Variants in PCNX1 observed in about 807,000 individuals in gnomAD.
PCNX1 encodes pecanex 1.
Under a neutral mutation model 242.2 loss-of-function variants are expected in PCNX1, and 78 were observed. The observed-to-expected ratio is 0.32, with a 90% CI of 0.27 to 0.39. The LOEUF (loss-of-function observed/expected upper bound fraction) is 0.39, where lower values mean the gene tolerates loss of function less well. PCNX1 is among the 10% of genes least tolerant of loss of function. The pLI, the probability that PCNX1 is intolerant of heterozygous loss-of-function variation, is 1.00. For synonymous variants in PCNX1, 1,024 were observed against 1,032.9 expected, an observed-to-expected ratio of 0.99 and a Z score of 0.17; for missense variants, 2,581 against 2,856.5, an observed-to-expected ratio of 0.90 and a Z score of 2.20.
Position 70,978,435 on chromosome 14 carries a change from T to C in PCNX1, c.2098T>C (p.Cys700Arg), listed in dbSNP as rs2058744084. Reference sequence around the variant, plus strand: ...GAGCCTGGACAGTGGCACAGTAGCATGTTTGAATGACTCAAACAGGTTAAT... The same window carrying C: ...GAGCCTGGACAGTGGCACAGTAGCACGTTTGAATGACTCAAACAGGTTAAT... ...VLSLDSGTVACLNDSNRLMAP... is the reference protein window; with the variant it reads ...VLSLDSGTVARLNDSNRLMAP... The change falls in exon 6 of 36, where the codon TGT (cysteine) becomes CGT (arginine). Residue 700 changes from cysteine (C) to arginine (R), a missense_variant. Cys to Arg is a radical substitution (Grantham distance 180). Around this residue, in one of 9 missense-constraint regions of PCNX1, gnomAD observed 1,204 missense variants for 1,216.7 expected, o/e 0.99. Transcript: ENST00000304743. 1.2e-6 allele frequency: 2 copies of C among 1,614,106 alleles called. No individual in the cohort carries two copies. Among genetic ancestry groups the C allele is most frequent in the Non-Finnish European group, 1.7e-6 (2 of 1,180,038 alleles).
chr14:70,964,342 C>T (rs1180070622), intron 3 of PCNX1, among the ~76,000 whole-genome samples: 1 of 152,218 alleles, frequency 6.6e-6, no homozygotes, highest in Non-Finnish European at 1.5e-5. Context: ...GCTGGGATTA[C>T]AGATGTGAGT....
intron 2 of PCNX1, 98 bp from the exon 3 acceptor site, chr14:70,962,124 CTTAG>C: frequency 1.3e-6 from 1 of 742,014 alleles, no homozygotes; most frequent in Non-Finnish European, 2.4e-6. Flanking sequence ...ATCAGAACCT[CTTAG>C]TTTTGTGGAA....
intron 1 of PCNX1, among the ~76,000 whole-genome samples, chr14:70,944,815 G>A (rs1460885486): frequency 6.6e-6 from 1 of 152,190 alleles, no homozygotes; most frequent in African/African-American, 2.4e-5. Flanking sequence ...TAATCAGTGA[G>A]TTCTCATGAG....
chr14:71,028,349 C>A (rs1000053949), intron 15 of PCNX1, among the ~76,000 whole-genome samples: 40 of 151,940 alleles, frequency 2.6e-4, no homozygotes, highest in African/African-American at 8.5e-4. Context: ...CTTAATACAT[C>A]TCCAGTTCCT....
At chr14:71,015,048 T>C (rs768826507) in intron 11 of PCNX1, among the ~76,000 whole-genome samples, 4 of 152,138 alleles carry the variant, frequency 2.6e-5, no homozygotes, top group Non-Finnish European at 5.9e-5. Flanking sequence ...GGAGCATCTT[T>C]AAAGTACTGA....
intron 28 of PCNX1, among the ~76,000 whole-genome samples, chr14:71,083,341 C>G (rs554217134): frequency 1.1e-3 from 162 of 152,176 alleles, no homozygotes; most frequent in Middle Eastern, 3.4e-3. Flanking sequence ...TGGGGTTGCT[C>G]TTCTTAAGGA....
At chr14:71,003,081 T>C (rs1023204908) in intron 8 of PCNX1, among the ~76,000 whole-genome samples, 2 of 47,048 alleles carry the variant, frequency 4.3e-5, no homozygotes, top group Non-Finnish European at 7.9e-5. Flanking sequence ...GGTTGTCTTC[T>C]TTTTTTTTTT....
intron 2 of PCNX1, among the ~76,000 whole-genome samples, chr14:70,949,419 A>G (rs987208277): frequency 2.0e-5 from 3 of 151,612 alleles, no homozygotes; most frequent in Admixed American, 1.3e-4. Context: ...ATATATGTAC[A>G]TATATACACG....
chr14:71,053,754 G>A (rs775273590), intron 24 of PCNX1, among the ~76,000 whole-genome samples: 62 of 152,210 alleles, frequency 4.1e-4, no homozygotes, highest in Non-Finnish European at 7.8e-4. Context: ...TAACAATGTC[G>A]TATCTATTGT....
At chr14:70,944,871 TTCTC>T (rs775109957) in intron 1 of PCNX1, among the ~76,000 whole-genome samples, 2 of 152,224 alleles carry the variant, frequency 1.3e-5, no homozygotes, top group Non-Finnish European at 2.9e-5. Context: ...TGGTATTCAT[TTCTC>T]TCTCCTGCTG....
At chr14:71,033,306 C>T (rs540948893) in intron 16 of PCNX1, 123 bp from the exon 17 acceptor site, 20 of 560,516 alleles carry the variant, frequency 3.6e-5, no homozygotes, top group East Asian at 2.1e-4. Context: ...CAATTAATAA[C>T]GTGGCTAAAA....
intron 10 of PCNX1, 24 bp downstream of exon 10, chr14:71,011,573 A>T: frequency 7.6e-7 from 1 of 1,308,968 alleles, no homozygotes; most frequent in Non-Finnish European, 1.1e-6. Flanking sequence ...TATTTTTACA[A>T]CATGATAAAT....
chr14:71,074,025 G>A (rs1314489536), intron 27 of PCNX1, among the ~76,000 whole-genome samples: 1 of 152,048 alleles, frequency 6.6e-6, no homozygotes. Flanking sequence ...AATAATAATA[G>A]CTAGACATTT....
At chr14:70,946,534 G>A (rs1266196314) in intron 1 of PCNX1, among the ~76,000 whole-genome samples, 1 of 152,100 alleles carries the variant, frequency 6.6e-6, no homozygotes, top group African/African-American at 2.4e-5. Context: ...TTTTCTAGTA[G>A]CCACATTAAA....
chr14:70,945,533 T>C (rs1026436212), intron 1 of PCNX1, among the ~76,000 whole-genome samples: 1 of 151,212 alleles, frequency 6.6e-6, no homozygotes, highest in African/African-American at 2.4e-5. Flanking sequence ...TTTATGTTTT[T>C]CCATCCTAAT....
At chr14:70,997,195 T>A (rs1192959624) in intron 8 of PCNX1, among the ~76,000 whole-genome samples, 1 of 152,180 alleles carries the variant, frequency 6.6e-6, no homozygotes, top group Non-Finnish European at 1.5e-5. Context: ...TCTTCAGTTG[T>A]AAATATATTC....
intron 30 of PCNX1, among the ~76,000 whole-genome samples, chr14:71,100,950 A>G (rs1301866382): frequency 6.6e-6 from 1 of 152,134 alleles, no homozygotes; most frequent in Non-Finnish European, 1.5e-5. Flanking sequence ...GGTATTATCA[A>G]CTCAACCTAC....
At chr14:71,033,148 G>A (rs2060436794) in intron 16 of PCNX1, among the ~76,000 whole-genome samples, 1 of 152,184 alleles carries the variant, frequency 6.6e-6, no homozygotes, top group Admixed American at 6.5e-5. Context: ...ATAGCCTCAT[G>A]CATCAAAAGC....
At chr14:70,961,661 T>C (rs1012203228) in intron 2 of PCNX1, among the ~76,000 whole-genome samples, 8 of 152,222 alleles carry the variant, frequency 5.3e-5, no homozygotes, top group Non-Finnish European at 1.2e-4. Flanking sequence ...TCTAAAATCT[T>C]AGGTTTCCAG....
Sources: gnomAD v4.1 joint callset for allele counts (sites outside exome capture counted in the v4.1 genomes callset) on GRCh38, gnomAD v4.1.1 for gene constraint, gnomAD v4.1.1 regional missense constraint, MANE v1.5 for transcripts, NCBI Gene and HGNC (gene_info 2026-07-23, HGNC 2026-07-21) for gene names.